The following LIMCH1 variants were observed in gnomAD, a reference collection of about 807,000 sequenced individuals.
The protein encoded by LIMCH1 is LIM and calponin homology domains 1, also known as LIM and calponin homology domains-containing protein 1.
In LIMCH1, 113 loss-of-function variants were observed where a neutral mutation model predicts 176.5. The observed-to-expected ratio is 0.64, with a 90% CI of 0.55 to 0.75. The LOEUF is 0.75. Ranked by LOEUF, LIMCH1 falls within the 30% of genes least tolerant of loss-of-function variation. The probability of loss-of-function intolerance (pLI) is 0.00; values close to 1 mark genes in which losing one functional copy is unlikely to be tolerated. For synonymous variants in LIMCH1, 619 were observed against 645.9 expected, an observed-to-expected ratio of 0.96 and a Z score of 0.63; for missense variants, 1,674 against 1,814.9, an observed-to-expected ratio of 0.92 and a Z score of 1.41.
intron 14 of LIMCH1, 100 bp downstream of exon 14, chr4:41,639,067 T>C (rs927822869): frequency 2.2e-5 from 19 of 872,636 alleles, no homozygotes; most frequent in Admixed American, 1.1e-4. Context: ...GCAAGTGAAC[T>C]GAATAGTTAG....
intron 1 of LIMCH1, among the ~76,000 whole-genome samples, chr4:41,577,112 G>A (rs1244758120): frequency 2.0e-5 from 3 of 152,042 alleles, no homozygotes; most frequent in African/African-American, 7.2e-5. Flanking sequence ...TATACTTAGG[G>A]GTCCTGGAAC....
chr4:41,647,603 T>C (rs1179465591), intron 17 of LIMCH1, among the ~76,000 whole-genome samples: 1 of 152,226 alleles, frequency 6.6e-6, no homozygotes, highest in Non-Finnish European at 1.5e-5. Flanking sequence ...CTTAAGTTCT[T>C]TTGACTTGTA....
At chr4:41,427,228 C>G (rs1267298413) in intron 1 of LIMCH1, among the ~76,000 whole-genome samples, 1 of 152,114 alleles carries the variant, frequency 6.6e-6, no homozygotes, top group African/African-American at 2.4e-5. Context: ...CTTCCCACCC[C>G]TTCCCTCTCT....
chr4:41,558,793 G>A (rs972145588), intron 1 of LIMCH1, among the ~76,000 whole-genome samples: 2 of 152,164 alleles, frequency 1.3e-5, no homozygotes, highest in African/African-American at 4.8e-5. Context: ...TCAGCATGTG[G>A]CATAATTCTA....
intron 30 of LIMCH1, 114 bp downstream of exon 30, chr4:41,689,749 C>G: frequency 1.5e-6 from 1 of 671,490 alleles, no homozygotes; most frequent in Non-Finnish European, 2.7e-6. Context: ...TGAGGTCTCA[C>G]TGTCTAGGTT....
At chr4:41,472,301 T>G (rs1460408022) in intron 1 of LIMCH1, among the ~76,000 whole-genome samples, 1 of 152,166 alleles carries the variant, frequency 6.6e-6, no homozygotes, top group African/African-American at 2.4e-5. Context: ...TTGCCAACTC[T>G]GCAGAAAGCC....
At chr4:41,375,427 A>C (rs909843683) in intron 1 of LIMCH1, among the ~76,000 whole-genome samples, 1 of 152,122 alleles carries the variant, frequency 6.6e-6, no homozygotes, top group Admixed American at 6.5e-5. Context: ...AAAAATAAAG[A>C]TGTTCATCCT....
chr4:41,488,358 C>G (rs764619433), intron 1 of LIMCH1, among the ~76,000 whole-genome samples: 29 of 152,084 alleles, frequency 1.9e-4, no homozygotes, highest in African/African-American at 7.0e-4. Flanking sequence ...GAAAAAAATG[C>G]CAATATGTTT....
At chr4:41,506,462 A>G (rs984349225) in intron 2 of LIMCH1, among the ~76,000 whole-genome samples, 6 of 152,196 alleles carry the variant, frequency 3.9e-5, no homozygotes, top group African/African-American at 1.4e-4. Context: ...GCACCAAATT[A>G]GGCACCAAGA....
rs953245745 is a variant in LIMCH1, at chr4:41,589,976, C to T, written c.-240-8944C>T. Among the ~76,000 whole-genome samples the T allele has an allele frequency of 2.6e-5, 4 of 152,158 alleles. No homozygotes were observed. In the South Asian group the frequency reaches 6.2e-4, roughly 24 times the overall value. ...AAAAACCATGGCATTACCTGAAATCCCATCTTTCCCCTCGTCCTCTATCCC... is the reference window on the plus strand; with the variant it reads ...AAAAACCATGGCATTACCTGAAATCTCATCTTTCCCCTCGTCCTCTATCCC... On this transcript the variant is annotated intron_variant, in intron 1 of 31. Coordinates refer to ENST00000503057, the MANE Select transcript of LIMCH1 (RefSeq NM_001330672.2).
Position 41,609,371 on chromosome 4 carries a change from G to A in LIMCH1, c.9+3367G>A, listed in dbSNP as rs1309195486. On this transcript the variant is annotated intron_variant, in intron 4 of 31. Transcript: ENST00000503057. ...GGGTATTTGTTGATTTTTCTGGAAT[G>A]TTGTGAACTAGAACAGTGCCTGTCA... Among the ~76,000 whole-genome samples the A allele has an allele frequency of 2.0e-5, 3 of 151,954 alleles. No individual in the cohort carries two copies. In the East Asian group the frequency reaches 5.8e-4, roughly 29 times the overall value.
intron 24 of LIMCH1, 42 bp downstream of exon 24, chr4:41,680,140 T>G: frequency 7.5e-7 from 1 of 1,325,764 alleles, no homozygotes; most frequent in Non-Finnish European, 1.1e-6. Context: ...GTCATCCCAA[T>G]TCCTCAAAGT....
intron 2 of LIMCH1, among the ~76,000 whole-genome samples, chr4:41,599,526 A>G (rs1384892757): frequency 6.6e-6 from 1 of 152,236 alleles, no homozygotes; most frequent in Non-Finnish European, 1.5e-5. Flanking sequence ...CTTTGACTAT[A>G]TCTACTTAAT....
chr4:41,640,256 G>A (rs2093765167), intron 14 of LIMCH1, among the ~76,000 whole-genome samples: 2 of 152,198 alleles, frequency 1.3e-5, no homozygotes, highest in African/African-American at 2.4e-5. Flanking sequence ...CTGAAAGGAG[G>A]ATTTTATAAG....
At chr4:41,483,220 GA>G (rs1336838048) in intron 1 of LIMCH1, among the ~76,000 whole-genome samples, 1 of 152,052 alleles carries the variant, frequency 6.6e-6, no homozygotes, top group African/African-American at 2.4e-5. Flanking sequence ...AGGAAGGAGA[GA>G]ATGTATTTCT....
At chr4:41,493,459 A>C (rs1192901634) in intron 1 of LIMCH1, among the ~76,000 whole-genome samples, 1 of 152,156 alleles carries the variant, frequency 6.6e-6, no homozygotes, top group Admixed American at 6.5e-5. Flanking sequence ...ATTAAAAAAA[A>C]AAAAAGCATC....
At position 41,676,452 on chromosome 4, in the gene LIMCH1, G is replaced by A. The variant is rs571021758; in HGVS notation, c.3509G>A (p.Arg1170His). The change falls in exon 23 of 32, where the codon CGT becomes CAT. Residue 1170 changes from arginine to histidine, a missense_variant. Physicochemically the swap from Arg to His is conservative, Grantham distance 29 (BLOSUM62 0). Transcript: ENST00000503057. ...RQEKWQQEQE[R>H]LLQERYQKEQ... ...GAAAAATGGCAACAGGAACAGGAAC[G>A]TTTGCTCCAGGTAGGATGGAGTTTG... is the stretch of plus-strand genomic sequence containing the variant. 1.4e-5 allele frequency: 23 copies of A among 1,613,638 alleles called. No homozygotes were observed. Among genetic ancestry groups the A allele is most frequent in the African/African-American group, 4.0e-5 (3 of 75,044 alleles).
At chr4:41,521,131 T>C (rs2076080935) in intron 2 of LIMCH1, among the ~76,000 whole-genome samples, 1 of 152,194 alleles carries the variant, frequency 6.6e-6, no homozygotes, top group Non-Finnish European at 1.5e-5. Flanking sequence ...TCGTATTTGT[T>C]TGGGTTTTTG....
intron 19 of LIMCH1, 153 bp from the exon 20 acceptor site, chr4:41,662,668 C>T: frequency 1.3e-6 from 1 of 748,604 alleles, no homozygotes; most frequent in East Asian, 2.7e-5. Flanking sequence ...GCATCTTAGG[C>T]TCTTTTATAT....
Sources: gnomAD v4.1 joint callset for allele counts (sites outside exome capture counted in the v4.1 genomes callset) on GRCh38, gnomAD v4.1.1 for gene constraint, MANE v1.5 for transcripts, NCBI Gene and HGNC (gene_info 2026-07-23, HGNC 2026-07-21) for gene names.